Variants in USP45 observed in about 807,000 individuals in gnomAD.
USP45 encodes ubiquitin carboxyl-terminal hydrolase 45.
USP45 carries 89 observed loss-of-function variants against 95.8 expected under a neutral mutation model. The ratio of observed to expected loss-of-function variants is 0.93; its 90% CI spans 0.78 to 1.11. USP45 has a LOEUF of 1.11. Among genes scored for constraint, USP45 ranks in the 50% least tolerant of loss-of-function variants. The pLI is 0.00. For missense variants in USP45, 898 were observed against 942.5 expected, an observed-to-expected ratio of 0.95 and a Z score of 0.62; for synonymous variants, 281 against 316.2, an observed-to-expected ratio of 0.89 and a Z score of 1.18.
chr6:99,435,734 G>A lies in USP45; in HGVS notation c.2427C>T (p.Phe809=), dbSNP rs1428517254. 6.2e-7 allele frequency: 1 copy of A among 1,612,776 alleles called. No individual in the cohort carries two copies. The highest frequency in any genetic ancestry group is 8.5e-7 in the Non-Finnish European group (1 of 1,179,234). The change falls in exon 18 of 18, where the codon TTC becomes TTT. Residue 809 remains phenylalanine, a synonymous_variant. Transcript: ENST00000500704. The part of the protein sequence containing the change: ...RALSAQAYLL[F]YERVL ...TTAATAGTTATAATACTCTTTCATA[G>A]AAAAGAAGGTAGGCTTGTGCACTAA...
chr6:99,479,009 C>CA (rs200062815), intron 8 of USP45, among the ~76,000 whole-genome samples: 14,870 of 127,588 alleles, frequency 0.12, 1,322 homozygotes, highest in East Asian at 0.47. Context: ...TCTATTGCAA[C>CA]AACAAAAAAA....
chr6:99,446,315 G>A lies in USP45; in HGVS notation c.1457C>T (p.Pro486Leu), dbSNP rs61761592. ...GGCTTCTTTTTCACTGTCATCAGTA[G>A]GGCTTTCATTCAGACGTGACTCAGA... Reference protein sequence around the residue: ...MNSESRLNESPTDDSEKEASH... With the variant: ...MNSESRLNESLTDDSEKEASH... The change falls in exon 14 of 18, where the codon CCT becomes CTT. Residue 486 changes from proline (P) to leucine (L), a missense_variant. By Grantham distance (98) the Pro-to-Leu change is moderately conservative (BLOSUM62 -3). Transcript: ENST00000500704. The A allele has an allele frequency of 6.2e-7, 1 of 1,614,068 alleles. No homozygotes were observed. Among genetic ancestry groups the A allele is most frequent in the Admixed American group, 1.7e-5 (1 of 60,002 alleles).
chr6:99,445,460 G>A (rs2128550970), intron 14 of USP45, among the ~76,000 whole-genome samples: 1 of 150,580 alleles, frequency 6.6e-6, no homozygotes, highest in African/African-American at 2.4e-5. Context: ...TCCAGCCTGG[G>A]CAACAGAGTG....
rs542000921 is a variant in USP45 at position 99,463,659 on chromosome 6, A to G, written c.1308+945T>C. On this transcript the variant is annotated intron_variant, in intron 13 of 17. Transcript: ENST00000500704. ...AAACCTGGTCTCTACTAAAAATACAAAAATTAGCCGGGTGTGGTGACATGC... is the reference window on the plus strand; with the variant it reads ...AAACCTGGTCTCTACTAAAAATACAGAAATTAGCCGGGTGTGGTGACATGC... Among the ~76,000 whole-genome samples, 42 of 151,982 alleles carry G rather than the reference A, an allele frequency of 2.8e-4. No homozygotes were observed. In the South Asian group the frequency reaches 8.7e-3, roughly 32 times the overall value.
intron 13 of USP45, among the ~76,000 whole-genome samples, chr6:99,453,123 A>G (rs1346075676): frequency 1.3e-5 from 2 of 151,420 alleles, no homozygotes; most frequent in Non-Finnish European, 1.5e-5. Flanking sequence ...ACATGTATAC[A>G]TATGTAACAA....
intron 7 of USP45, among the ~76,000 whole-genome samples, chr6:99,485,990 A>G: frequency 6.6e-6 from 1 of 152,202 alleles, no homozygotes; most frequent in East Asian, 1.9e-4. Flanking sequence ...TCAAGCTTAC[A>G]AAGAACACCT....
At chr6:99,505,829 G>A (rs1331784876) in intron 4 of USP45, among the ~76,000 whole-genome samples, 1 of 152,046 alleles carries the variant, frequency 6.6e-6, no homozygotes, top group African/African-American at 2.4e-5. Context: ...TACTAAATTA[G>A]AATTTCTAAG....
At chr6:99,475,317 CTTTTT>C (rs34747235) in intron 9 of USP45, among the ~76,000 whole-genome samples, 5 of 124,748 alleles carry the variant, frequency 4.0e-5, no homozygotes, top group Non-Finnish European at 3.3e-5. Flanking sequence ...CTTAAGATTC[CTTTTT>C]TTTTTTTTTT....
At chr6:99,443,462 G>T in intron 15 of USP45, 103 bp downstream of exon 15, 1 of 667,242 alleles carries the variant, frequency 1.5e-6, no homozygotes, top group Non-Finnish European at 2.4e-6. Flanking sequence ...ATTTTAAAAT[G>T]CAATAAGTTA....
At position 99,466,636 on chromosome 6, in the gene USP45, T is replaced by C. The variant is rs754526396; in HGVS notation, c.1107+36A>G. On this transcript the variant is annotated intron_variant, in intron 11 of 17. Transcript: ENST00000500704. The stretch of plus-strand genomic sequence containing the variant: ...TATAATAAAAATGATGTGATTGTAA[T>C]CCATTCCATGCTGAATTGAATTCTA... The C allele has an allele frequency of 2.8e-5, 41 of 1,484,716 alleles. 2 individuals carry two copies. In the Middle Eastern group the frequency reaches 3.1e-3, roughly 113 times the overall value. 92.0% of individuals were successfully genotyped at this position (1,484,716 alleles called of 1,614,324 possible).
chr6:99,480,004 C>T (rs1440767568), intron 8 of USP45, among the ~76,000 whole-genome samples: 1 of 152,016 alleles, frequency 6.6e-6, no homozygotes, highest in Non-Finnish European at 1.5e-5. Context: ...TAGGAAATAC[C>T]AACGAATCAA....
chr6:99,470,853 A>G (rs1365809895), intron 9 of USP45, among the ~76,000 whole-genome samples: 2 of 152,208 alleles, frequency 1.3e-5, no homozygotes, highest in African/African-American at 2.4e-5. Context: ...TCAGATAATC[A>G]TAACATTTCA....
intron 5 of USP45, among the ~76,000 whole-genome samples, chr6:99,492,771 A>C (rs918472178): frequency 1.2e-4 from 18 of 151,958 alleles, no homozygotes; most frequent in Non-Finnish European, 5.9e-5. Context: ...GGATTATAGG[A>C]GTGAGGCCCC....
intron 4 of USP45, among the ~76,000 whole-genome samples, chr6:99,506,666 CAT>C (rs1263989361): frequency 1.1e-4 from 16 of 152,176 alleles, no homozygotes; most frequent in Non-Finnish European, 8.8e-5. Context: ...GTAAATATTA[CAT>C]AGTTTCCTTA....
chr6:99,477,149 T>C (rs536010323), intron 8 of USP45, among the ~76,000 whole-genome samples: 3 of 152,338 alleles, frequency 2.0e-5, no homozygotes, highest in East Asian at 1.9e-4. Context: ...ATTTACAACA[T>C]ATCTCATGTG....
chr6:99,454,519 G>C (rs191702372), intron 13 of USP45, among the ~76,000 whole-genome samples: 53 of 152,164 alleles, frequency 3.5e-4, no homozygotes, highest in African/African-American at 1.1e-3. Context: ...CTGTTGAATG[G>C]GAGAAAATAT....
At chr6:99,507,970 G>A (rs987151546) in intron 3 of USP45, among the ~76,000 whole-genome samples, 2 of 152,228 alleles carry the variant, frequency 1.3e-5, no homozygotes, top group Admixed American at 6.5e-5. Context: ...AACATGAGGG[G>A]AAGTCAAATC....
intron 5 of USP45, among the ~76,000 whole-genome samples, chr6:99,490,862 G>A (rs1183404000): frequency 6.6e-6 from 1 of 152,114 alleles, no homozygotes; most frequent in Non-Finnish European, 1.5e-5. Context: ...GAGCCACCGC[G>A]CCCAGCAGAA....
At chr6:99,503,300 C>T (rs1209836251) in intron 5 of USP45, among the ~76,000 whole-genome samples, 2 of 151,960 alleles carry the variant, frequency 1.3e-5, no homozygotes, top group African/African-American at 4.8e-5. Flanking sequence ...AACAAGGTGG[C>T]CACCTAAGAA....
Sources: gnomAD v4.1 joint callset for allele counts (sites outside exome capture counted in the v4.1 genomes callset) on GRCh38, gnomAD v4.1.1 for gene constraint, MANE v1.5 for transcripts, NCBI Gene and HGNC (gene_info 2026-07-23, HGNC 2026-07-21) for gene names.